The following SNTB2 variants were observed in gnomAD, a reference collection of about 807,000 sequenced individuals.
SNTB2 encodes the protein syntrophin beta 2.
SNTB2 carries 34 observed loss-of-function variants against 46.2 expected under a neutral mutation model. The ratio of observed to expected loss-of-function variants is 0.74; its 90% CI spans 0.56 to 0.98. SNTB2 has a LOEUF of 0.98. Ranked by LOEUF, SNTB2 falls within the 50% of genes least tolerant of loss-of-function variation. The pLI is 0.00. For missense variants in SNTB2, 603 were observed against 731.4 expected (o/e 0.82, Z 2.02); for synonymous variants, 290 against 312.6 (o/e 0.93, Z 0.76).
intron 2 of SNTB2, among the ~76,000 whole-genome samples, chr16:69,252,118 A>T (rs1364499544): frequency 6.6e-6 from 1 of 152,094 alleles, no homozygotes; most frequent in Non-Finnish European, 1.5e-5. Flanking sequence ...TTCTTATCTA[A>T]AGCCTTCACT....
chr16:69,225,652 T>A (rs911500661), intron 1 of SNTB2, among the ~76,000 whole-genome samples: 6 of 152,252 alleles, frequency 3.9e-5, no homozygotes, highest in African/African-American at 1.4e-4. Flanking sequence ...AGGGGACACA[T>A]GTCTTCCTTT....
rs888175924 is a variant in SNTB2, at chr16:69,304,026, C to G, written c.*3102C>G. Reference sequence around the variant, plus strand: ...ACCCGGGGCTTCGACAGCTTCTCCACATTCCACACAGATGCCTAGGAGCAG... The same window carrying G: ...ACCCGGGGCTTCGACAGCTTCTCCAGATTCCACACAGATGCCTAGGAGCAG... On this transcript the variant is annotated 3_prime_UTR_variant, in exon 7 of 7. Transcript: ENST00000336278. 6.6e-6 allele frequency: 1 copy of G among 152,214 alleles called. No individual in the cohort carries two copies. Among genetic ancestry groups the G allele is most frequent in the Non-Finnish European group, 1.5e-5 (1 of 68,042 alleles). The allele number at this position is 152,214 out of a possible 1,614,324, so 9.4% of individuals were successfully genotyped here.
chr16:69,218,095 T>G lies in SNTB2; in HGVS notation c.581-27507T>G, dbSNP rs531400933. Reference sequence around the variant, plus strand: ...GCTATATTTGGGTATAGCTCTATAATTCATGTATATGTATTATAGTGGTGA... The same window carrying G: ...GCTATATTTGGGTATAGCTCTATAAGTCATGTATATGTATTATAGTGGTGA... On this transcript the variant is annotated intron_variant, in intron 1 of 6. Transcript: ENST00000336278. Among the ~76,000 whole-genome samples, 5 of 152,316 alleles carry G rather than the reference T, an allele frequency of 3.3e-5. No individual in the cohort carries two copies. The East Asian group carries it at 7.7e-4, about 24-fold the overall frequency.
intron 1 of SNTB2, among the ~76,000 whole-genome samples, chr16:69,227,917 G>T (rs1964474050): frequency 6.7e-6 from 1 of 148,492 alleles, no homozygotes; most frequent in African/African-American, 2.5e-5. Context: ...GAGTTCAGTG[G>T]CATGATCATA....
intron 5 of SNTB2, among the ~76,000 whole-genome samples, chr16:69,297,338 G>A (rs1236179553): frequency 6.8e-6 from 1 of 148,074 alleles, no homozygotes; most frequent in Non-Finnish European, 1.5e-5. Context: ...AAAAAAAGGA[G>A]GCCGGGCACG....
chr16:69,193,849 G>A (rs1048796893), intron 1 of SNTB2, among the ~76,000 whole-genome samples: 4 of 152,140 alleles, frequency 2.6e-5, no homozygotes, highest in Admixed American at 2.0e-4. Flanking sequence ...GCAGTGCTGA[G>A]GACAGTTGCT....
chr16:69,283,553 T>A (rs992624335), intron 4 of SNTB2, among the ~76,000 whole-genome samples: 3 of 152,220 alleles, frequency 2.0e-5, no homozygotes, highest in Non-Finnish European at 4.4e-5. Flanking sequence ...ATATATATAT[T>A]TTAAGCTCTT....
Position 69,274,707 on chromosome 16 carries a change from T to G in SNTB2, c.1148+4422T>G, listed in dbSNP as rs896576428. 3.3e-5 allele frequency among the ~76,000 whole-genome samples: 5 copies of G among 150,338 alleles called. No homozygotes were observed. The East Asian group carries it at 7.8e-4, about 24-fold the overall frequency. ...AGCTGGGTGCCATGGCACGTGCCTG[T>G]AATCCCAGCTTCTTGGGAGGCTGGA... On this transcript the variant is annotated intron_variant, in intron 4 of 6. Transcript: ENST00000336278.
intron 4 of SNTB2, among the ~76,000 whole-genome samples, chr16:69,279,132 C>T (rs1401549368): frequency 1.3e-5 from 2 of 152,104 alleles, no homozygotes; most frequent in Non-Finnish European, 2.9e-5. Flanking sequence ...CTTTATCTTG[C>T]AAAACAAACT....
chr16:69,283,074 G>T (rs1434294964), intron 4 of SNTB2, among the ~76,000 whole-genome samples: 1 of 152,148 alleles, frequency 6.6e-6, no homozygotes, highest in Non-Finnish European at 1.5e-5. Context: ...CTCCCAAGTA[G>T]CTGGGACCAC....
chr16:69,237,173 G>C (rs1282764527), intron 1 of SNTB2, among the ~76,000 whole-genome samples: 1 of 152,168 alleles, frequency 6.6e-6, no homozygotes, highest in Non-Finnish European at 1.5e-5. Context: ...AAAGCTGACA[G>C]GGATGAGAGG....
At position 69,300,861 on chromosome 16, in the gene SNTB2, G is replaced by T; in HGVS notation, c.1560G>T (p.Pro520=). The change falls in exon 7 of 7, where the codon CCG becomes CCT. Residue 520 remains proline, a synonymous_variant. Transcript: ENST00000336278. Reference sequence around the variant, plus strand: ...TGGACCTGCACTCTTGTCCGAAGCCGATTGTATTTGTGTTGCACACGTTTT... The same window carrying T: ...TGGACCTGCACTCTTGTCCGAAGCCTATTGTATTTGTGTTGCACACGTTTT... ...LTMDLHSCPK[P]IVFVLHTFLS... 4 of 1,613,912 alleles carry T rather than the reference G, an allele frequency of 2.5e-6. No individual in the cohort carries two copies. Among genetic ancestry groups the T allele is most frequent in the Non-Finnish European group, 3.4e-6 (4 of 1,179,868 alleles).
chr16:69,190,764 G>A (rs1296022434), intron 1 of SNTB2, among the ~76,000 whole-genome samples: 1 of 152,104 alleles, frequency 6.6e-6, no homozygotes. Flanking sequence ...GTCAGATGTG[G>A]GTTTGTTTCT....
intron 1 of SNTB2, among the ~76,000 whole-genome samples, chr16:69,193,761 G>A (rs1964078544): frequency 2.6e-5 from 4 of 152,160 alleles, no homozygotes; most frequent in Admixed American, 2.6e-4. Context: ...CAGATAAAAG[G>A]ATGGAGATGT....
At position 69,187,764 on chromosome 16, in the gene SNTB2, GGA is replaced by G; in HGVS notation, c.580+20_580+21del. The G allele has an allele frequency of 1.5e-6, 2 of 1,366,462 alleles. No homozygotes were observed. The highest frequency in any genetic ancestry group is 1.9e-6 in the Non-Finnish European group (2 of 1,050,576). The allele number at this position is 1,366,462 out of a possible 1,614,324, so 84.6% of individuals were successfully genotyped here. A position where few individuals can be genotyped will look rare whatever the true frequency, so the allele number is the denominator to read the frequency against. ...GCTGGAGGGTGAGCGGGGCCGGGCG[GGA>G]GGGTGGGCAGGCCGCGGCGGCCTGG... is the stretch of plus-strand genomic sequence containing the variant. On this transcript the variant is annotated intron_variant, in intron 1 of 6. Transcript: ENST00000336278.
chr16:69,297,002 C>CAAAAA (rs747322291), intron 5 of SNTB2, among the ~76,000 whole-genome samples: 2 of 129,606 alleles, frequency 1.5e-5, no homozygotes, highest in African/African-American at 5.7e-5. Context: ...ACTCTTATCT[C>CAAAAA]AAAAAAAAAA....
At chr16:69,188,368 G>GGC (rs1457814047) in intron 1 of SNTB2, among the ~76,000 whole-genome samples, 1 of 152,200 alleles carries the variant, frequency 6.6e-6, no homozygotes, top group African/African-American at 2.4e-5. Flanking sequence ...CTGCCAACTA[G>GGC]AGTTTTGCCC....
chr16:69,269,206 G>A (rs921734376), intron 3 of SNTB2, among the ~76,000 whole-genome samples: 2 of 151,450 alleles, frequency 1.3e-5, no homozygotes, highest in Non-Finnish European at 2.9e-5. Context: ...ATAGTGAACC[G>A]TGATCCGCGT....
chr16:69,239,008 C>A (rs1159204323), intron 1 of SNTB2, among the ~76,000 whole-genome samples: 1 of 152,082 alleles, frequency 6.6e-6, no homozygotes, highest in East Asian at 1.9e-4. Context: ...CCTTTGTGAC[C>A]CCATTTACTA....
Sources: gnomAD v4.1 joint callset for allele counts (sites outside exome capture counted in the v4.1 genomes callset) on GRCh38, gnomAD v4.1.1 for gene constraint, MANE v1.5 for transcripts, NCBI Gene and HGNC (gene_info 2026-07-23, HGNC 2026-07-21) for gene names.